The following SLC9A9 variants were observed in gnomAD, a reference collection of about 807,000 sequenced individuals.
SLC9A9 encodes the protein sodium/hydrogen exchanger 9.
Under a neutral mutation model 77.8 loss-of-function variants are expected in SLC9A9, and 62 were observed. The ratio of observed to expected loss-of-function variants is 0.80; its 90% CI spans 0.65 to 0.98. SLC9A9 has a LOEUF of 0.98. SLC9A9 is among the 50% of genes least tolerant of loss of function. The pLI, the probability that SLC9A9 is intolerant of heterozygous loss-of-function variation, is 0.00. For missense variants in SLC9A9, 775 were observed against 774.9 expected (o/e 1.00, Z 0.00); for synonymous variants, 320 against 283.5 (o/e 1.13, Z -1.29).
rs1333460137 is a variant in SLC9A9, at chr3:143,432,598, C to T, written c.1469+34439G>A. ...GAATCAGTATTTGAAGGGCTCTCTT[C>T]CCCCTAGAATGGTGGCCACCTGGCT... On this transcript the variant is annotated intron_variant, in intron 12 of 15. Coordinates refer to ENST00000316549, the MANE Select transcript of SLC9A9 (RefSeq NM_173653.4). 3.3e-5 allele frequency among the ~76,000 whole-genome samples: 5 copies of T among 152,048 alleles called. No individual in the cohort carries two copies. The East Asian group carries it at 5.8e-4, about 18-fold the overall frequency.
At chr3:143,523,675 CA>C (rs1435431745) in intron 9 of SLC9A9, among the ~76,000 whole-genome samples, 4 of 152,086 alleles carry the variant, frequency 2.6e-5, no homozygotes, top group Non-Finnish European at 5.9e-5. Context: ...CCCTTTCTGG[CA>C]AACATGAAAG....
intron 5 of SLC9A9, among the ~76,000 whole-genome samples, chr3:143,655,010 C>T (rs896564208): frequency 5.3e-5 from 8 of 152,212 alleles, no homozygotes; most frequent in African/African-American, 1.7e-4. Context: ...AAAACTGTTA[C>T]TTTGCACATT....
rs756560449 is a variant in SLC9A9 at position 143,666,906 on chromosome 3, C to G, written c.650-14546G>C. Among the ~76,000 whole-genome samples the G allele has an allele frequency of 2.0e-5, 3 of 152,144 alleles. No homozygotes were observed. The South Asian group carries it at 6.2e-4, about 32-fold the overall frequency. ...AATATCATGAAAATGGCCATACTGC[C>G]CAAGGTAATTTACAGATTCAATGCC... On this transcript the variant is annotated intron_variant, in intron 5 of 15. Transcript: ENST00000316549.
Position 143,848,349 on chromosome 3 carries a change from A to G in SLC9A9, c.-27T>C. 1 of 1,613,780 alleles carries G rather than the reference A, an allele frequency of 6.2e-7. No individual in the cohort carries two copies. The highest frequency in any genetic ancestry group is 1.1e-5 in the South Asian group (1 of 91,080). On this transcript the variant is annotated 5_prime_UTR_variant, in exon 1 of 16. Transcript: ENST00000316549. ...CCCCAGTCTTCTTGGGATTCCTTAG[A>G]TAAAAACCTGGATAAAGGCTATTTT...
chr3:143,848,294 T>C lies in SLC9A9; in HGVS notation c.29A>G (p.Glu10Gly). ...ATGTTGAAACTGATACTCATCCTTT[T>C]CTGACATAACCCTTGACTGTCTCTC... is the stretch of plus-strand genomic sequence containing the variant. MERQSRVMS[E>G]KDEYQFQHQG... is the part of the protein sequence containing the mutation. The change falls in exon 1 of 16, where the codon GAA (glutamate) becomes GGA (glycine). Residue 10 changes from glutamate (E) to glycine (G), a missense_variant. By Grantham distance (98) the Glu-to-Gly change is moderately conservative. Transcript: ENST00000316549. 4 of 1,614,024 alleles carry C rather than the reference T, an allele frequency of 2.5e-6. No homozygotes were observed. Among genetic ancestry groups the C allele is most frequent in the Non-Finnish European group, 3.4e-6 (4 of 1,179,902 alleles).
Position 143,596,868 on chromosome 3 carries a change from C to T in SLC9A9, c.756-18145G>A, listed in dbSNP as rs529305283. ...TAGAGATTGAGGTCTCACTTTGTTGCCCAGGCTGGTCTTGAACCCCTCGGC... is the reference window on the plus strand; with the variant it reads ...TAGAGATTGAGGTCTCACTTTGTTGTCCAGGCTGGTCTTGAACCCCTCGGC... On this transcript the variant is annotated intron_variant, in intron 6 of 15. Coordinates refer to ENST00000316549, the MANE Select transcript of SLC9A9 (RefSeq NM_173653.4). 6.6e-5 allele frequency among the ~76,000 whole-genome samples: 10 copies of T among 152,180 alleles called. No individual in the cohort carries two copies. In the South Asian group the frequency reaches 2.1e-3, roughly 32 times the overall value.
At chr3:143,661,043 G>T (rs1300509496) in intron 5 of SLC9A9, among the ~76,000 whole-genome samples, 1 of 152,100 alleles carries the variant, frequency 6.6e-6, no homozygotes, top group Non-Finnish European at 1.5e-5. Flanking sequence ...CACTTTATTT[G>T]AAAGTTTTTA....
At chr3:143,815,946 T>C (rs556794699) in intron 2 of SLC9A9, among the ~76,000 whole-genome samples, 1 of 152,176 alleles carries the variant, frequency 6.6e-6, no homozygotes, top group Admixed American at 6.5e-5. Context: ...TCGAGAGACA[T>C]GTGCAAGGTC....
intron 8 of SLC9A9, among the ~76,000 whole-genome samples, chr3:143,567,247 G>A (rs1161342027): frequency 6.6e-6 from 1 of 152,124 alleles, no homozygotes; most frequent in Non-Finnish European, 1.5e-5. Flanking sequence ...AAATAGAGAT[G>A]CCAATTAATA....
At chr3:143,524,817 C>T (rs1249287776) in intron 9 of SLC9A9, among the ~76,000 whole-genome samples, 1 of 152,158 alleles carries the variant, frequency 6.6e-6, no homozygotes, top group Non-Finnish European at 1.5e-5. Flanking sequence ...TGGGTTAGTT[C>T]TCATGAGAAT....
intron 9 of SLC9A9, among the ~76,000 whole-genome samples, chr3:143,500,476 C>T (rs528445059): frequency 6.6e-5 from 10 of 151,970 alleles, no homozygotes; most frequent in Non-Finnish European, 1.2e-4. Context: ...TTATTATTTC[C>T]TGCCTTCAAC....
chr3:143,302,305 A>C (rs1362456592), intron 14 of SLC9A9, among the ~76,000 whole-genome samples: 1 of 152,234 alleles, frequency 6.6e-6, no homozygotes, highest in Non-Finnish European at 1.5e-5. Context: ...AGCACTCAGC[A>C]TACTGCCCAG....
At chr3:143,438,484 G>A (rs2034666997) in intron 12 of SLC9A9, among the ~76,000 whole-genome samples, 1 of 152,090 alleles carries the variant, frequency 6.6e-6, no homozygotes, top group Non-Finnish European at 1.5e-5. Context: ...GGAGTGTGGG[G>A]GAAGCCTTCT....
intron 8 of SLC9A9, among the ~76,000 whole-genome samples, chr3:143,557,821 A>C (rs62269794): frequency 0.13 from 19,303 of 152,266 alleles, 1,283 homozygotes; most frequent in African/African-American, 0.14. Flanking sequence ...CAAAACAGAA[A>C]ACATTGGAAA....
intron 12 of SLC9A9, among the ~76,000 whole-genome samples, chr3:143,404,797 A>G (rs1440024062): frequency 6.6e-6 from 1 of 152,188 alleles, no homozygotes; most frequent in Non-Finnish European, 1.5e-5. Flanking sequence ...GCCTAGACAA[A>G]TTGTTGGAAG....
At chr3:143,654,477 A>G (rs1320916) in intron 5 of SLC9A9, among the ~76,000 whole-genome samples, 7,560 of 152,288 alleles carry the variant, frequency 0.05, 216 homozygotes, top group East Asian at 0.084. Context: ...CACAACTTTT[A>G]GACGTTGCAG....
intron 14 of SLC9A9, among the ~76,000 whole-genome samples, chr3:143,303,812 A>G (rs1317924475): frequency 6.6e-6 from 1 of 152,122 alleles, no homozygotes; most frequent in Non-Finnish European, 1.5e-5. Context: ...TGCCAGGCCC[A>G]TTTGACTCCT....
At chr3:143,618,063 A>G (rs2038136560) in intron 6 of SLC9A9, among the ~76,000 whole-genome samples, 1 of 152,168 alleles carries the variant, frequency 6.6e-6, no homozygotes, top group African/African-American at 2.4e-5. Context: ...TAAAGAGAAA[A>G]TGGATCCTAG....
At chr3:143,372,418 T>G (rs2033078072) in intron 13 of SLC9A9, among the ~76,000 whole-genome samples, 1 of 151,962 alleles carries the variant, frequency 6.6e-6, no homozygotes, top group African/African-American at 2.4e-5. Flanking sequence ...GATAGCCACA[T>G]GTAGAAGAAT....
Sources: gnomAD v4.1 joint callset for allele counts (sites outside exome capture counted in the v4.1 genomes callset) on GRCh38, gnomAD v4.1.1 for gene constraint, MANE v1.5 for transcripts, NCBI Gene and HGNC (gene_info 2026-07-23, HGNC 2026-07-21) for gene names.